Variants in ATXN7L1 observed in about 807,000 individuals in gnomAD.
ATXN7L1 encodes the protein ataxin 7 like 1, also known as ataxin-7-like protein 1.
In ATXN7L1, 15 loss-of-function variants were observed where a neutral mutation model predicts 70.8. The ratio of observed to expected loss-of-function variants is 0.21; its 90% CI spans 0.14 to 0.33. ATXN7L1 has a LOEUF of 0.33. Among genes scored for constraint, ATXN7L1 ranks in the 10% least tolerant of loss-of-function variants. The probability of loss-of-function intolerance (pLI) is 1.00; values close to 1 mark genes in which losing one functional copy is unlikely to be tolerated. For synonymous variants in ATXN7L1, 440 were observed against 445.1 expected, an observed-to-expected ratio of 0.99 and a Z score of 0.14; for missense variants, 975 against 1,097.1, an observed-to-expected ratio of 0.89 and a Z score of 1.57.
intron 2 of ATXN7L1, among the ~76,000 whole-genome samples, chr7:105,873,334 T>C (rs1457181350): frequency 6.6e-6 from 1 of 152,164 alleles, no homozygotes; most frequent in Non-Finnish European, 1.5e-5. Context: ...CTACATACAT[T>C]CATAAGCACA....
At chr7:105,639,862 G>A (rs755921175) in intron 5 of ATXN7L1, among the ~76,000 whole-genome samples, 3 of 152,196 alleles carry the variant, frequency 2.0e-5, no homozygotes, top group Admixed American at 6.5e-5. Context: ...GGCACCGAAG[G>A]GAAGGAGAGG....
At chr7:105,687,185 A>G (rs1790030285) in intron 3 of ATXN7L1, among the ~76,000 whole-genome samples, 3 of 152,210 alleles carry the variant, frequency 2.0e-5, no homozygotes, top group African/African-American at 7.2e-5. Flanking sequence ...GCCTGGTTCT[A>G]TAAACTGATG....
In ATXN7L1 at chr7:105,786,054, C is replaced by T. The variant is rs142287777; in HGVS notation, c.355+2550G>A. ...TACAATGGTTCTAACCTCTGCTTTGCACTCTCTGGGTCTTGATAAATGTAA... is the reference window on the plus strand; with the variant it reads ...TACAATGGTTCTAACCTCTGCTTTGTACTCTCTGGGTCTTGATAAATGTAA... On this transcript the variant is annotated intron_variant, in intron 3 of 11. Coordinates refer to ENST00000419735, the MANE Select transcript of ATXN7L1 (RefSeq NM_020725.2). Among the ~76,000 whole-genome samples, 514 of 152,320 alleles carry T rather than the reference C, an allele frequency of 3.4e-3. 1 individual carries two copies. Among genetic ancestry groups the T allele is most frequent in the African/African-American group, 0.012 (486 of 41,576 alleles).
chr7:105,860,123 A>C, intron 2 of ATXN7L1, among the ~76,000 whole-genome samples: 1 of 92,500 alleles, frequency 1.1e-5, no homozygotes. Context: ...AGATCTTTAT[A>C]TGTAAATATA....
intron 3 of ATXN7L1, among the ~76,000 whole-genome samples, chr7:105,714,393 G>A (rs1057220066): frequency 1.3e-5 from 2 of 152,240 alleles, no homozygotes; most frequent in Non-Finnish European, 2.9e-5. Context: ...TGCTTTACAA[G>A]CTCCTTGGAT....
chr7:105,795,528 C>T (rs1174362540), intron 2 of ATXN7L1, among the ~76,000 whole-genome samples: 1 of 152,128 alleles, frequency 6.6e-6, no homozygotes, highest in Non-Finnish European at 1.5e-5. Flanking sequence ...CCCTGGATAC[C>T]TTCCAAGGCT....
rs181544150 is a variant in ATXN7L1, at chr7:105,680,809, C to T, written c.356-15521G>A. Among the ~76,000 whole-genome samples the T allele has an allele frequency of 9.8e-4, 149 of 152,334 alleles. 1 individual carries two copies. Among genetic ancestry groups the T allele is most frequent in the Non-Finnish European group, 1.8e-3 (124 of 68,022 alleles). ...GAACCTGAGTCTTTCCAGAGAAAAA[C>T]GTGAGTTGCTTTCCTAGTATCTCTG... is the stretch of plus-strand genomic sequence containing the variant. On this transcript the variant is annotated intron_variant, in intron 3 of 11. Transcript: ENST00000419735.
rs1436120848 is a variant in ATXN7L1 at position 105,760,350 on chromosome 7, A to G, written c.355+28254T>C. 5.5e-6 allele frequency: 5 copies of G among 914,914 alleles called. No homozygotes were observed. The East Asian group carries it at 4.7e-4, about 86-fold the overall frequency. The allele number at this position is 914,914 out of a possible 1,614,324, so 56.7% of individuals were successfully genotyped here. A position where few individuals can be genotyped will look rare whatever the true frequency, so the allele number is the denominator to read the frequency against. On this transcript the variant is annotated intron_variant, in intron 3 of 11. Coordinates refer to ENST00000419735, the MANE Select transcript of ATXN7L1 (RefSeq NM_020725.2). ...TGAGGGGGCTGTTAGGATCCCCATT[A>G]TTTTATATATGAGGAAACAGGCTCT...
At chr7:105,765,112 T>C (rs1801069186) in intron 3 of ATXN7L1, among the ~76,000 whole-genome samples, 1 of 151,882 alleles carries the variant, frequency 6.6e-6, no homozygotes, top group African/African-American at 2.4e-5. Flanking sequence ...AGGCAGGTGA[T>C]CACTTGAGGT....
chr7:105,871,153 G>C (rs1212340142), intron 2 of ATXN7L1, among the ~76,000 whole-genome samples: 2 of 148,848 alleles, frequency 1.3e-5, no homozygotes, highest in Non-Finnish European at 3.0e-5. Flanking sequence ...TCAAAGGAAG[G>C]TACATTCAAT....
chr7:105,671,889 CAAAAAAA>C (rs55748938), intron 3 of ATXN7L1, among the ~76,000 whole-genome samples: 2 of 56,428 alleles, frequency 3.5e-5, no homozygotes, highest in African/African-American at 1.5e-4. Flanking sequence ...GACCCTGTCT[CAAAAAAA>C]AAAAAAAAAA....
chr7:105,702,516 C>T (rs1344492235), intron 3 of ATXN7L1, among the ~76,000 whole-genome samples: 1 of 150,696 alleles, frequency 6.6e-6, no homozygotes, highest in Non-Finnish European at 1.5e-5. Context: ...TTAGATATAA[C>T]CCAGCCCCTT....
At chr7:105,662,589 C>T (rs1317549172) in intron 4 of ATXN7L1, among the ~76,000 whole-genome samples, 1 of 152,136 alleles carries the variant, frequency 6.6e-6, no homozygotes, top group South Asian at 2.1e-4. Flanking sequence ...CTCATTTGCT[C>T]TTTTACAAGG....
chr7:105,790,606 T>TTACC (rs1805007627), intron 2 of ATXN7L1, among the ~76,000 whole-genome samples: 1 of 133,560 alleles, frequency 7.5e-6, no homozygotes, highest in Non-Finnish European at 1.6e-5. Flanking sequence ...AAGAAAAAAA[T>TTACC]TATCTATCTA....
At chr7:105,692,375 TTCCTTCCTTCC>T (rs1563009533) in intron 3 of ATXN7L1, among the ~76,000 whole-genome samples, 5 of 54,762 alleles carry the variant, frequency 9.1e-5, no homozygotes, top group Admixed American at 2.1e-4. Flanking sequence ...CTTTCTTTCC[TTCCTTCCTTCC>T]TTCCTTCCTT....
At chr7:105,662,071 CTTCCTTCCTTCT>C (rs1801761311) in intron 4 of ATXN7L1, among the ~76,000 whole-genome samples, 18 of 68,950 alleles carry the variant, frequency 2.6e-4, no homozygotes, top group African/African-American at 6.9e-4. Context: ...TCCTTCCTTC[CTTCCTTCCTTCT>C]TTCTTTTCTT....
intron 3 of ATXN7L1, among the ~76,000 whole-genome samples, chr7:105,703,305 CAAA>C (rs11431783): frequency 7.9e-6 from 1 of 126,664 alleles, no homozygotes; most frequent in Non-Finnish European, 1.7e-5. Flanking sequence ...AACTCCGTCT[CAAA>C]AAAAAAAAAA....
chr7:105,659,870 T>C (rs1254305143), intron 4 of ATXN7L1, among the ~76,000 whole-genome samples: 4 of 151,994 alleles, frequency 2.6e-5, no homozygotes, highest in Non-Finnish European at 5.9e-5. Flanking sequence ...CCCACTCACA[T>C]TTCTTTTCTC....
At chr7:105,643,902 C>A (rs1798619862) in intron 4 of ATXN7L1, among the ~76,000 whole-genome samples, 1 of 152,234 alleles carries the variant, frequency 6.6e-6, no homozygotes, top group South Asian at 2.1e-4. Flanking sequence ...CATTTGATTT[C>A]TCTTCTTCTT....
Sources: allele counts gnomAD v4.1 joint callset (sites outside exome capture counted in the v4.1 genomes callset), GRCh38; gene constraint gnomAD v4.1.1; transcripts MANE v1.5; gene names NCBI Gene and HGNC (gene_info 2026-07-23, HGNC 2026-07-21).